Variants in ACIN1 observed in about 807,000 individuals in gnomAD.
ACIN1 encodes apoptotic chromatin condensation inducer 1.
ACIN1 carries 16 observed loss-of-function variants against 146.6 expected under a neutral mutation model. That is an observed-to-expected ratio of 0.11 (90% CI 0.07 to 0.17). The LOEUF (loss-of-function observed/expected upper bound fraction) is 0.17. ACIN1 is among the 10% of genes least tolerant of loss of function. The probability of loss-of-function intolerance (pLI) is 1.00; values close to 1 mark genes in which losing one functional copy is unlikely to be tolerated. For synonymous variants in ACIN1, 569 were observed against 582.7 expected (o/e 0.98, Z 0.34); for missense variants, 1,357 against 1,609.3 (o/e 0.84, Z 2.68).
In ACIN1 at chr14:23,079,051, G is replaced by A; in HGVS notation, c.1789-13C>T. The A allele has an allele frequency of 6.2e-7, 1 of 1,609,174 alleles. No homozygotes were observed. Among genetic ancestry groups the A allele is most frequent in the African/African-American group, 1.3e-5 (1 of 74,868 alleles). On this transcript the variant is annotated splice_polypyrimidine_tract_variant and intron_variant, in intron 6 of 18. Transcript: ENST00000605057. Reference sequence around the variant, plus strand: ...CAGGGCTCAGAGACTAAAACAAAATGAAACACATAACAAGGAAAATTATTG... The same window carrying A: ...CAGGGCTCAGAGACTAAAACAAAATAAAACACATAACAAGGAAAATTATTG...
upstream of ACIN1, chr14:23,095,197 A>T (rs200773989): frequency 2.5e-6 from 4 of 1,613,750 alleles, no homozygotes; most frequent in Non-Finnish European, 3.4e-6. Context: ...TACCGAGATG[A>T]CCCCGCCCAC....
Position 23,079,023 on chromosome 14 carries a change from C to T in ACIN1, c.1804G>A (p.Val602Ile), listed in dbSNP as rs1261517346. ...SNSRKSLSPG[V>I]SRDSSTSYTE... ...TAGCTGGTGCTGCTGTCCCTGGAGA[C>T]TCCAGGGCTCAGAGACTAAAACAAA... The change falls in exon 7 of 19, where the codon GTC (valine) becomes ATC (isoleucine). Residue 602 changes from valine (V) to isoleucine (I), a missense_variant. Physicochemically the swap from Val to Ile is conservative, Grantham distance 29. This residue lies in a region of ACIN1 where 771 missense variants were observed against 746.6 expected (regional missense o/e 1.03). Transcript: ENST00000605057. 2 of 1,613,946 alleles carry T rather than the reference C, an allele frequency of 1.2e-6. No individual in the cohort carries two copies. The highest frequency in any genetic ancestry group is 2.2e-5 in the East Asian group (1 of 44,892).
intron 7 of ACIN1, among the ~76,000 whole-genome samples, chr14:23,078,551 G>A (rs1232012611): frequency 3.3e-5 from 5 of 152,178 alleles, no homozygotes; most frequent in African/African-American, 1.2e-4. Context: ...AGAGAACTGA[G>A]AAAAGGCTGA....
At chr14:23,081,533 G>A (rs2047944473) in intron 5 of ACIN1, among the ~76,000 whole-genome samples, 1 of 152,190 alleles carries the variant, frequency 6.6e-6, no homozygotes, top group Non-Finnish European at 1.5e-5. Flanking sequence ...GGGAGGCTGA[G>A]GTGGAAGGAC....
intron 8 of ACIN1, among the ~76,000 whole-genome samples, chr14:23,074,606 C>G (rs556473281): frequency 3.9e-5 from 6 of 152,192 alleles, no homozygotes; most frequent in African/African-American, 1.2e-4. Flanking sequence ...GAAACTGTCC[C>G]CAAAATGGAC....
At chr14:23,072,190 T>A (rs564751448) in intron 8 of ACIN1, among the ~76,000 whole-genome samples, 1 of 152,150 alleles carries the variant, frequency 6.6e-6, no homozygotes, top group Non-Finnish European at 1.5e-5. Flanking sequence ...GGGAAGTGGA[T>A]AGCAGGGAGA....
rs769562820 is a variant in ACIN1 at position 23,080,279 on chromosome 14, G to C, written c.1056C>G (p.Ser352Arg). ...SLVALPEQTA[S>R]EEETPPPLLT... ...GTAAAGGTGGAGGAGTCTCCTCCTC[G>C]CTGGCAGTTTGCTCTGGCAGCGCTA... The change falls in exon 6 of 19, where the codon AGC (serine) becomes AGG (arginine). Residue 352 changes from serine (S) to arginine (R), a missense_variant. By Grantham distance (110) the Ser-to-Arg change is moderately radical (BLOSUM62 -1). Around this residue, in one of 4 missense-constraint regions of ACIN1, gnomAD observed 771 missense variants for 746.6 expected, o/e 1.03. Transcript: ENST00000605057. 3 of 1,614,138 alleles carry C rather than the reference G, an allele frequency of 1.9e-6. No homozygotes were observed. Among genetic ancestry groups the C allele is most frequent in the Middle Eastern group, 1.7e-4 (1 of 6,058 alleles).
chr14:23,075,651 A>G (rs1221021882), intron 8 of ACIN1, among the ~76,000 whole-genome samples: 1 of 150,270 alleles, frequency 6.7e-6, no homozygotes, highest in Non-Finnish European at 1.5e-5. Flanking sequence ...TTAAAGTCAT[A>G]TGACTTCTTG....
At chr14:23,078,104 CACACT>C (rs769305025) in intron 8 of ACIN1, 42 bp downstream of exon 8, 2 of 1,555,624 alleles carry the variant, frequency 1.3e-6, no homozygotes, top group Non-Finnish European at 1.8e-6. Flanking sequence ...AGAACTATCG[CACACT>C]CATAGTTCCC....
In ACIN1 at chr14:23,078,933, C is replaced by T; in HGVS notation, c.1894G>A (p.Val632Ile). The change falls in exon 7 of 19, where the codon GTC becomes ATC. Residue 632 changes from valine to isoleucine, a missense_variant. Physicochemically the swap from Val to Ile is conservative, Grantham distance 29. This residue lies in a region of ACIN1 where 771 missense variants were observed against 746.6 expected (regional missense o/e 1.03). Transcript: ENST00000605057. ...GAAGTCCTCTCCTTTGGCTCACAGA[C>T]CTGCAGTTGTGGCACTGGTGGAGTT... ...VATPPVPQLQ[V>I]CEPKERTSTS... 6.2e-7 allele frequency: 1 copy of T among 1,614,152 alleles called. No individual in the cohort carries two copies. Among genetic ancestry groups the T allele is most frequent in the Non-Finnish European group, 8.5e-7 (1 of 1,180,024 alleles).
chr14:23,089,775 T>C (rs895560726), intron 4 of ACIN1, among the ~76,000 whole-genome samples: 1 of 152,170 alleles, frequency 6.6e-6, no homozygotes, highest in Non-Finnish European at 1.5e-5. Context: ...CACTGCTTCG[T>C]AAAACACTGA....
intron 8 of ACIN1, chr14:23,071,284 C>T: frequency 6.7e-7 from 1 of 1,499,954 alleles, no homozygotes; most frequent in South Asian, 1.4e-5. Context: ...CCACCACCTC[C>T]TCCCCAGCCA....
intron 5 of ACIN1, 134 bp downstream of exon 5, chr14:23,081,614 A>G: frequency 1.4e-6 from 1 of 734,274 alleles, no homozygotes; most frequent in Non-Finnish European, 2.2e-6. Flanking sequence ...TAGGCGACAG[A>G]GCCAGACTCT....
In ACIN1 at chr14:23,071,624, G is replaced by A. The variant is rs2047658004; in HGVS notation, c.2124-2007C>T. The A allele has an allele frequency of 5.5e-6, 8 of 1,458,902 alleles. No homozygotes were observed. In the South Asian group the frequency reaches 6.6e-5, roughly 12 times the overall value. 90.4% of individuals were successfully genotyped at this position (1,458,902 alleles called of 1,614,324 possible). On this transcript the variant is annotated intron_variant, in intron 8 of 18. Coordinates refer to ENST00000605057, the MANE Select transcript of ACIN1 (RefSeq NM_001386863.1). ...CCTTGCTGCAGCAGGGGAGGGGAAA[G>A]AAAAGAGGGAGGGAGCTGAGTGAGC...
At position 23,081,138 on chromosome 14, in the gene ACIN1, C is replaced by T. The variant is rs539326146; in HGVS notation, c.526-329G>A. 4.0e-5 allele frequency among the ~76,000 whole-genome samples: 6 copies of T among 151,788 alleles called. No homozygotes were observed. In the East Asian group the frequency reaches 1.2e-3, roughly 29 times the overall value. On this transcript the variant is annotated intron_variant, in intron 5 of 18. Transcript: ENST00000605057. The stretch of plus-strand genomic sequence containing the variant: ...TAGGGGGCTGAAAGGAACTAACCTA[C>T]TATCAATTAATACGATTATCTTTTT...
rs1405364075 is a variant in ACIN1 at position 23,079,705 on chromosome 14, G to A, written c.1630C>T (p.Arg544Trp). 12 of 1,614,048 alleles carry A rather than the reference G, an allele frequency of 7.4e-6. No homozygotes were observed. The highest frequency in any genetic ancestry group is 2.7e-5 in the African/African-American group (2 of 74,912). The change falls in exon 6 of 19, where the codon CGG becomes TGG. Residue 544 changes from arginine to tryptophan, a missense_variant. Transcript: ENST00000605057. ...TTGGATCTGAGCGGTGAATGAGACC[G>A]AGAACCTGAACTGTCAGGAGAGCGA... is the stretch of plus-strand genomic sequence containing the variant. ...RSRSPDSSGS[R>W]SHSPLRSKQR... is the part of the protein sequence containing the mutation.
intron 2 of ACIN1, among the ~76,000 whole-genome samples, chr14:23,091,616 T>C (rs1436514015): frequency 2.7e-5 from 4 of 146,816 alleles, no homozygotes; most frequent in African/African-American, 5.0e-5. Flanking sequence ...CCGTTACCTA[T>C]CCAGGAAACA....
At chr14:23,071,687 T>C in intron 8 of ACIN1, 2 of 909,638 alleles carry the variant, frequency 2.2e-6, no homozygotes, top group Non-Finnish European at 3.2e-6. Context: ...GGGAGCCGAC[T>C]GCTGGCTCCA....
chr14:23,074,292 A>G (rs1208377224), intron 8 of ACIN1, among the ~76,000 whole-genome samples: 1 of 148,224 alleles, frequency 6.7e-6, no homozygotes, highest in Non-Finnish European at 1.5e-5. Flanking sequence ...AGGGCCGGGC[A>G]TGGTGGCTCA....
Sources: allele counts gnomAD v4.1 joint callset (sites outside exome capture counted in the v4.1 genomes callset), GRCh38; gene constraint gnomAD v4.1.1; regional missense constraint gnomAD v4.1.1; transcripts MANE v1.5; gene names NCBI Gene and HGNC (gene_info 2026-07-23, HGNC 2026-07-21).